CWC27: variants seen among roughly 807,000 people sequenced by gnomAD.
The protein encoded by CWC27 is CWC27 spliceosome associated cyclophilin.
Under a neutral mutation model 63.6 loss-of-function variants are expected in CWC27, and 47 were observed. That is an observed-to-expected ratio of 0.74 (90% CI 0.58 to 0.94). The LOEUF is 0.94. CWC27 is among the 40% of genes least tolerant of loss of function. CWC27 has a pLI of 0.00. For synonymous variants in CWC27, 175 were observed against 179.8 expected, an observed-to-expected ratio of 0.97 and a Z score of 0.22; for missense variants, 495 against 554.3, an observed-to-expected ratio of 0.89 and a Z score of 1.07.
chr5:64,977,351 T>C lies in CWC27; in HGVS notation c.1256+113T>C, dbSNP rs146317497. ...TTGTTTTCAGAGTTTACCATCACCA[T>C]TATAGGACCTCGGCAACTTTTGACT... is the stretch of plus-strand genomic sequence containing the variant. On this transcript the variant is annotated intron_variant, in intron 13 of 13. Transcript: ENST00000381070. 72 of 657,162 alleles carry C rather than the reference T, an allele frequency of 1.1e-4. No individual in the cohort carries two copies. In the East Asian group the frequency reaches 2.2e-3, roughly 20 times the overall value. The allele number at this position is 657,162 out of a possible 1,614,324, so 40.7% of individuals were successfully genotyped here. A position where few individuals can be genotyped will look rare whatever the true frequency, so the allele number is the denominator to read the frequency against.
intron 11 of CWC27, among the ~76,000 whole-genome samples, chr5:64,903,492 CAG>C (rs759612643): frequency 6.1e-4 from 92 of 150,162 alleles, no homozygotes; most frequent in Non-Finnish European, 6.6e-4. Context: ...CACATGGACA[CAG>C]GGAGGGGAAC....
intron 7 of CWC27, among the ~76,000 whole-genome samples, chr5:64,797,903 C>T (rs1315256479): frequency 6.6e-6 from 1 of 152,100 alleles, no homozygotes; most frequent in East Asian, 1.9e-4. Flanking sequence ...CTTGCTTTTG[C>T]TATTTATTAG....
At chr5:64,951,787 AAGGTCCATCC>A (rs1268944926) in intron 11 of CWC27, among the ~76,000 whole-genome samples, 1 of 151,980 alleles carries the variant, frequency 6.6e-6, no homozygotes, top group Non-Finnish European at 1.5e-5. Flanking sequence ...CAATGTTTCC[AAGGTCCATCC>A]ATGTTGTAGA....
At chr5:64,937,933 T>C (rs887320445) in intron 11 of CWC27, among the ~76,000 whole-genome samples, 17 of 147,874 alleles carry the variant, frequency 1.1e-4, no homozygotes, top group African/African-American at 4.1e-4. Flanking sequence ...TTTTTTTTTT[T>C]TTTTTTTGCT....
chr5:65,007,008 AAGAAAGAAAGAAAG>A (rs1749857922), intron 13 of CWC27, among the ~76,000 whole-genome samples: 1 of 151,204 alleles, frequency 6.6e-6, no homozygotes, highest in Non-Finnish European at 1.5e-5. Flanking sequence ...GAAAGAAAGA[AAGAAAGAAAGAAAG>A]AAAAGAAAGA....
At chr5:64,849,266 T>G (rs768036057) in intron 10 of CWC27, among the ~76,000 whole-genome samples, 3 of 151,780 alleles carry the variant, frequency 2.0e-5, no homozygotes, top group Non-Finnish European at 4.4e-5. Context: ...AGGAATAAAT[T>G]TAACTATGAA....
intron 10 of CWC27, among the ~76,000 whole-genome samples, chr5:64,826,027 G>A (rs1351991183): frequency 2.0e-5 from 3 of 152,158 alleles, no homozygotes; most frequent in Admixed American, 2.0e-4. Flanking sequence ...ACAGGTTTCA[G>A]ATCTGCCTAG....
chr5:64,862,150 C>G (rs1365911146), intron 10 of CWC27, among the ~76,000 whole-genome samples: 1 of 150,784 alleles, frequency 6.6e-6, no homozygotes. Context: ...TCAGCAAACC[C>G]ACGGAATGTA....
chr5:64,834,389 A>G (rs896510846), intron 10 of CWC27, among the ~76,000 whole-genome samples: 6 of 151,544 alleles, frequency 4.0e-5, no homozygotes, highest in African/African-American at 1.2e-4. Flanking sequence ...TTTCTTTTTT[A>G]AACTAAGGGA....
chr5:64,801,985 C>G (rs1379063811), intron 9 of CWC27, among the ~76,000 whole-genome samples: 1 of 152,174 alleles, frequency 6.6e-6, no homozygotes. Context: ...AGAGAAGGCT[C>G]TCTATGGCTA....
chr5:64,839,393 A>T (rs1169087931), intron 10 of CWC27, among the ~76,000 whole-genome samples: 1 of 152,226 alleles, frequency 6.6e-6, no homozygotes, highest in Admixed American at 6.5e-5. Context: ...GAGTAGTTAT[A>T]TATGATACAA....
At chr5:64,859,191 T>C (rs1460844872) in intron 10 of CWC27, among the ~76,000 whole-genome samples, 1 of 152,196 alleles carries the variant, frequency 6.6e-6, no homozygotes, top group Non-Finnish European at 1.5e-5. Context: ...TTCTATTTAT[T>C]TGAATTGTTA....
At position 64,814,834 on chromosome 5, in the gene CWC27, A is replaced by T. The variant is rs367952573; in HGVS notation, c.938+10448A>T. Among the ~76,000 whole-genome samples the T allele has an allele frequency of 9.8e-5, 15 of 152,308 alleles. No homozygotes were observed. The East Asian group carries it at 2.3e-3, about 24-fold the overall frequency. On this transcript the variant is annotated intron_variant, in intron 10 of 13. Coordinates refer to ENST00000381070, the MANE Select transcript of CWC27 (RefSeq NM_005869.4). The stretch of plus-strand genomic sequence containing the variant: ...AGACTGAAGCAGAAAGACGAATTAG[A>T]TTATTACACTAGTCCAGGGAGAAGT...
chr5:64,946,077 A>G (rs918719118), intron 11 of CWC27, among the ~76,000 whole-genome samples: 3 of 152,118 alleles, frequency 2.0e-5, no homozygotes, highest in Non-Finnish European at 2.9e-5. Flanking sequence ...TCTTTTCCCA[A>G]CCAGAAGTTA....
intron 1 of CWC27, chr5:64,773,955 C>A (rs114004043): frequency 6.6e-6 from 1 of 152,012 alleles, no homozygotes; most frequent in East Asian, 1.9e-4. Flanking sequence ...AAGAATGTTC[C>A]TTTGTAAATT....
intron 12 of CWC27, 63 bp from the exon 13 acceptor site, chr5:64,977,072 G>A: frequency 1.1e-6 from 1 of 947,404 alleles, no homozygotes; most frequent in Non-Finnish European, 1.5e-6. Context: ...CCAAACTTAA[G>A]CATCTCTTTT....
chr5:64,934,702 A>C (rs147666404), intron 11 of CWC27, among the ~76,000 whole-genome samples: 2 of 151,828 alleles, frequency 1.3e-5, no homozygotes, highest in Non-Finnish European at 2.9e-5. Context: ...TGGTTGAACT[A>C]ATCTACACTC....
chr5:64,865,939 C>A (rs1746522590), intron 10 of CWC27, among the ~76,000 whole-genome samples: 1 of 151,908 alleles, frequency 6.6e-6, no homozygotes, highest in South Asian at 2.1e-4. Flanking sequence ...ATATGGTGTG[C>A]CTTACAAGAA....
intron 8 of CWC27, among the ~76,000 whole-genome samples, 196 bp from the exon 9 acceptor site, chr5:64,801,106 T>C (rs1744470449): frequency 6.6e-6 from 1 of 152,176 alleles, no homozygotes; most frequent in South Asian, 2.1e-4. Flanking sequence ...TGCTAATGAA[T>C]CATACTTATT....
Sources: allele counts gnomAD v4.1 joint callset (sites outside exome capture counted in the v4.1 genomes callset), GRCh38; gene constraint gnomAD v4.1.1; transcripts MANE v1.5; gene names NCBI Gene and HGNC (gene_info 2026-07-23, HGNC 2026-07-21).